SEMA3C: variants seen among roughly 807,000 people sequenced by gnomAD.
SEMA3C encodes the protein semaphorin-3C.
Under a neutral mutation model 89.4 loss-of-function variants are expected in SEMA3C, and 47 were observed. The observed-to-expected ratio is 0.53, with a 90% CI of 0.42 to 0.67. The LOEUF (loss-of-function observed/expected upper bound fraction) is 0.67, where lower values mean the gene tolerates loss of function less well. Among genes scored for constraint, SEMA3C ranks in the 30% least tolerant of loss-of-function variants. The pLI is 0.00. For missense variants in SEMA3C, 839 were observed against 929.1 expected (o/e 0.90, Z 1.26); for synonymous variants, 310 against 320.2 (o/e 0.97, Z 0.34).
At chr7:80,911,928 C>T (rs769219472) in intron 2 of SEMA3C, among the ~76,000 whole-genome samples, 2 of 151,934 alleles carry the variant, frequency 1.3e-5, no homozygotes, top group Non-Finnish European at 1.5e-5. Context: ...CCCCCGTGCT[C>T]GACCACATTT....
At chr7:80,845,700 G>A (rs759417065) in intron 2 of SEMA3C, among the ~76,000 whole-genome samples, 7 of 152,064 alleles carry the variant, frequency 4.6e-5, no homozygotes, top group African/African-American at 1.7e-4. Flanking sequence ...TGCTCTTCCT[G>A]TCTTTAGTTT....
intron 2 of SEMA3C, among the ~76,000 whole-genome samples, chr7:80,889,728 T>C (rs979996212): frequency 3.3e-5 from 5 of 152,130 alleles, no homozygotes; most frequent in Admixed American, 3.3e-4. Context: ...ACACATCATA[T>C]ATTGTAAAAA....
At position 80,805,763 on chromosome 7, in the gene SEMA3C, G is replaced by A; in HGVS notation, c.539-5C>T. The A allele has an allele frequency of 1.9e-6, 3 of 1,574,198 alleles. No homozygotes were observed. The highest frequency in any genetic ancestry group is 2.6e-6 in the Non-Finnish European group (3 of 1,158,234). ...TTCCAGAGAAAAGCTCCTCATCTAT[G>A]AAAAAGAAAATATCAATGAAATGTA... On this transcript the variant is annotated splice_region_variant and splice_polypyrimidine_tract_variant and intron_variant, in intron 6 of 17. Coordinates refer to ENST00000265361, the MANE Select transcript of SEMA3C (RefSeq NM_006379.5).
intron 12 of SEMA3C, among the ~76,000 whole-genome samples, chr7:80,787,095 A>T (rs181212494): frequency 1.3e-3 from 204 of 152,230 alleles, no homozygotes; most frequent in African/African-American, 4.6e-3. Context: ...GGAGTATCTT[A>T]AAAAAGGGGA....
chr7:80,841,478 A>G (rs555873357), intron 2 of SEMA3C, among the ~76,000 whole-genome samples: 2 of 152,226 alleles, frequency 1.3e-5, no homozygotes, highest in African/African-American at 4.8e-5. Context: ...GACCACTGTA[A>G]TTTACATATA....
At chr7:80,827,401 T>C in intron 4 of SEMA3C, 24 bp downstream of exon 4, 1 of 1,431,108 alleles carries the variant, frequency 7.0e-7, no homozygotes, top group Non-Finnish European at 9.3e-7. Context: ...TGTTTTTTTT[T>C]TTTTTTTTTT....
At chr7:80,846,450 G>T (rs963266577) in intron 2 of SEMA3C, among the ~76,000 whole-genome samples, 1 of 152,056 alleles carries the variant, frequency 6.6e-6, no homozygotes, top group African/African-American at 2.4e-5. Flanking sequence ...TCTAACTCCT[G>T]GGCTCAGGGG....
chr7:80,879,191 C>A (rs1325031611), intron 2 of SEMA3C, among the ~76,000 whole-genome samples: 1 of 151,202 alleles, frequency 6.6e-6, no homozygotes, highest in African/African-American at 2.4e-5. Flanking sequence ...GAAAATTGAA[C>A]CTAGGAAGGA....
intron 2 of SEMA3C, among the ~76,000 whole-genome samples, chr7:80,847,516 T>C (rs1478557881): frequency 1.3e-5 from 2 of 152,200 alleles, no homozygotes; most frequent in Non-Finnish European, 2.9e-5. Context: ...TATGGACTGG[T>C]AATTACTGTT....
intron 2 of SEMA3C, among the ~76,000 whole-genome samples, chr7:80,833,912 T>C (rs146947731): frequency 2.0e-5 from 3 of 152,270 alleles, no homozygotes; most frequent in African/African-American, 2.4e-5. Context: ...GCCACGGTTA[T>C]AGAAAGTGAC....
chr7:80,793,029 T>A (rs142102787), intron 11 of SEMA3C, among the ~76,000 whole-genome samples: 8 of 152,340 alleles, frequency 5.3e-5, no homozygotes, highest in African/African-American at 1.9e-4. Context: ...GTCCACTAAC[T>A]AGGCTGGTGT....
At chr7:80,891,363 TC>T (rs1791608710) in intron 2 of SEMA3C, among the ~76,000 whole-genome samples, 1 of 151,900 alleles carries the variant, frequency 6.6e-6, no homozygotes, top group African/African-American at 2.4e-5. Context: ...TCCTTATCCC[TC>T]CCTCCCCCAT....
intron 10 of SEMA3C, among the ~76,000 whole-genome samples, chr7:80,798,605 C>A (rs1195887604): frequency 6.6e-6 from 1 of 152,158 alleles, no homozygotes; most frequent in Non-Finnish European, 1.5e-5. Context: ...TAACCTATCA[C>A]AATTTAACTC....
intron 17 of SEMA3C, 48 bp from the exon 18 acceptor site, chr7:80,745,355 C>G (rs183540858): frequency 6.5e-7 from 1 of 1,544,940 alleles, no homozygotes; most frequent in Non-Finnish European, 8.8e-7. Context: ...ATTATATTTC[C>G]TTAGATTATG....
chr7:80,857,035 G>C (rs965036252), intron 2 of SEMA3C, among the ~76,000 whole-genome samples: 4 of 151,832 alleles, frequency 2.6e-5, no homozygotes, highest in South Asian at 2.1e-4. Flanking sequence ...AACCACATGC[G>C]ACTGCATAAT....
At chr7:80,792,118 T>C (rs1160198206) in intron 11 of SEMA3C, among the ~76,000 whole-genome samples, 1 of 152,222 alleles carries the variant, frequency 6.6e-6, no homozygotes, top group East Asian at 1.9e-4. Context: ...AGTTCATATG[T>C]TTTTATTTTT....
Position 80,866,028 on chromosome 7 carries a change from A to C in SEMA3C, c.104-37283T>G, listed in dbSNP as rs546892511. On this transcript the variant is annotated intron_variant, in intron 2 of 17. Transcript: ENST00000265361. The stretch of plus-strand genomic sequence containing the variant: ...TAGTGCCTAATTCAATGTTTTGCAT[A>C]AAGTATTAAATAAGCATCGTTTAAA... 8.5e-5 allele frequency among the ~76,000 whole-genome samples: 13 copies of C among 152,320 alleles called. No individual in the cohort carries two copies. In the South Asian group the frequency reaches 2.7e-3, roughly 32 times the overall value.
chr7:80,908,304 A>G (rs1792061106), intron 2 of SEMA3C, among the ~76,000 whole-genome samples: 1 of 152,298 alleles, frequency 6.6e-6, no homozygotes, highest in East Asian at 1.9e-4. Flanking sequence ...GTTCACTATC[A>G]AATTTCAGCG....
At chr7:80,881,581 C>A (rs529851531) in intron 2 of SEMA3C, among the ~76,000 whole-genome samples, 1 of 152,268 alleles carries the variant, frequency 6.6e-6, no homozygotes, top group South Asian at 2.1e-4. Context: ...ATGCTGAATT[C>A]TCCCAGAGCT....
Sources: gnomAD v4.1 joint callset for allele counts (sites outside exome capture counted in the v4.1 genomes callset) on GRCh38, gnomAD v4.1.1 for gene constraint, MANE v1.5 for transcripts, NCBI Gene and HGNC (gene_info 2026-07-23, HGNC 2026-07-21) for gene names.